Variants in KLF13 observed in about 807,000 individuals in gnomAD.
KLF13 encodes the protein KLF transcription factor 13, also known as Krueppel-like factor 13.
Under a neutral mutation model 16.7 loss-of-function variants are expected in KLF13, and 8 were observed. The ratio of observed to expected loss-of-function variants is 0.48; its 90% CI spans 0.28 to 0.87. KLF13 has a LOEUF of 0.87. Ranked by LOEUF, KLF13 falls within the 40% of genes least tolerant of loss-of-function variation. The probability of loss-of-function intolerance (pLI) is 0.10; values close to 1 mark genes in which losing one functional copy is unlikely to be tolerated. For synonymous variants in KLF13, 245 were observed against 208.4 expected, an observed-to-expected ratio of 1.18 and a Z score of -1.51; for missense variants, 447 against 452.2, an observed-to-expected ratio of 0.99 and a Z score of 0.10.
intron 1 of KLF13, among the ~76,000 whole-genome samples, chr15:31,428,531 G>A (rs1052388506): frequency 3.9e-5 from 6 of 152,044 alleles, no homozygotes; most frequent in Non-Finnish European, 7.4e-5. Context: ...GACCGGCCGC[G>A]GGCGGTGGCT....
intron 1 of KLF13, among the ~76,000 whole-genome samples, chr15:31,338,201 C>G (rs1452022193): frequency 6.6e-6 from 1 of 152,212 alleles, no homozygotes; most frequent in East Asian, 1.9e-4. Flanking sequence ...GTTTGTTTCC[C>G]TGATCTTCCT....
intron 1 of KLF13, among the ~76,000 whole-genome samples, chr15:31,361,833 C>T (rs901443403): frequency 7.5e-6 from 1 of 133,312 alleles, no homozygotes; most frequent in Admixed American, 8.0e-5. Context: ...CCACCCCAGA[C>T]GTCACAGCCA....
chr15:31,342,550 T>G (rs1595458357), intron 1 of KLF13, among the ~76,000 whole-genome samples: 7 of 152,208 alleles, frequency 4.6e-5, no homozygotes, highest in Admixed American at 4.6e-4. Flanking sequence ...GGTCGGCATC[T>G]CAGCCATCAG....
At chr15:31,362,123 G>T (rs1193053494) in intron 1 of KLF13, among the ~76,000 whole-genome samples, 1 of 152,184 alleles carries the variant, frequency 6.6e-6, no homozygotes, top group Non-Finnish European at 1.5e-5. Context: ...CTTATGGCAG[G>T]AGTGTGGTAT....
chr15:31,425,197 A>G (rs2040386472), intron 1 of KLF13, among the ~76,000 whole-genome samples: 1 of 152,214 alleles, frequency 6.6e-6, no homozygotes, highest in African/African-American at 2.4e-5. Context: ...ATGCTGTTAA[A>G]TGTTCATACT....
At chr15:31,424,994 T>C (rs141794166) in intron 1 of KLF13, among the ~76,000 whole-genome samples, 2 of 151,020 alleles carry the variant, frequency 1.3e-5, no homozygotes, top group East Asian at 3.9e-4. Context: ...TATCTAACAA[T>C]GAACAATTTA....
chr15:31,399,468 C>G (rs773638773), intron 2 of KLF13, among the ~76,000 whole-genome samples: 2 of 152,178 alleles, frequency 1.3e-5, no homozygotes, highest in African/African-American at 2.4e-5. Context: ...CCCAGCCTAT[C>G]TCTGAGTTTT....
chr15:31,378,138 C>T (rs1234528588), downstream of KLF13, among the ~76,000 whole-genome samples: 3 of 152,220 alleles, frequency 2.0e-5, no homozygotes, highest in Admixed American at 6.5e-5. Context: ...ATTCCCACCC[C>T]TCCGTCCATC....
rs2038742734 is a variant in KLF13, at chr15:31,327,737, G to A, written c.525G>A (p.Glu175=). ...RKHKCHYAGC[E]KVYGKSSHLK... is the part of the protein sequence containing the mutation. ...ACAAGTGCCACTACGCGGGCTGCGA[G>A]AAAGTTTACGGGAAATCTTCGCACC... Residue 175 remains glutamate (E), a synonymous_variant, in exon 1 of 2, where the codon GAG becomes GAA. Transcript: ENST00000307145. 4 of 1,537,410 alleles carry A rather than the reference G, an allele frequency of 2.6e-6. No homozygotes were observed. The highest frequency in any genetic ancestry group is 2.3e-5 in the South Asian group (2 of 86,804).
intron 1 of KLF13, among the ~76,000 whole-genome samples, chr15:31,360,506 A>G (rs2039366131): frequency 6.6e-6 from 1 of 152,120 alleles, no homozygotes; most frequent in African/African-American, 2.4e-5. Flanking sequence ...GGGTTTTTGA[A>G]CACAAGGGCT....
chr15:31,380,793 T>TA (rs1422000314), downstream of KLF13, among the ~76,000 whole-genome samples: 1 of 152,228 alleles, frequency 6.6e-6, no homozygotes, highest in African/African-American at 2.4e-5. Context: ...CCTCCACCGT[T>TA]ACGCATCAGA....
chr15:31,413,203 C>CAAAAAAAAA (rs1341640127), intron 1 of KLF13, among the ~76,000 whole-genome samples: 1 of 130,240 alleles, frequency 7.7e-6, no homozygotes, highest in Non-Finnish European at 1.6e-5. Context: ...AAAAAAAAAA[C>CAAAAAAAAA]AAAAAACAAA....
At chr15:31,427,707 C>T (rs565984318) in intron 1 of KLF13, among the ~76,000 whole-genome samples, 3 of 152,312 alleles carry the variant, frequency 2.0e-5, no homozygotes, top group South Asian at 4.1e-4. Flanking sequence ...CACAGTTCTG[C>T]AGGCTGTGCA....
intron 1 of KLF13, among the ~76,000 whole-genome samples, chr15:31,361,477 T>TG (rs1426237125): frequency 2.0e-5 from 3 of 152,236 alleles, no homozygotes; most frequent in Admixed American, 6.5e-5. Context: ...AGAGTGTACA[T>TG]GCAGCTGTTT....
chr15:31,370,543 C>T (rs916010417), intron 1 of KLF13, among the ~76,000 whole-genome samples: 5 of 151,900 alleles, frequency 3.3e-5, no homozygotes, highest in African/African-American at 9.7e-5. Flanking sequence ...TTCAGCCTGC[C>T]GAGTAGCTGG....
intron 1 of KLF13, 109 bp from the exon 2 acceptor site, chr15:31,371,900 TG>T: frequency 1.7e-6 from 2 of 1,212,090 alleles, no homozygotes; most frequent in Non-Finnish European, 1.1e-6. Flanking sequence ...GTGGGGCATG[TG>T]GGAGGGGTGT....
intron 1 of KLF13, among the ~76,000 whole-genome samples, chr15:31,413,699 T>C (rs1433944164): frequency 3.9e-5 from 6 of 152,202 alleles, no homozygotes; most frequent in Admixed American, 3.3e-4. Flanking sequence ...GAGAATTTCT[T>C]GCTATTAGGC....
At chr15:31,396,047 C>T (rs188183561) in intron 2 of KLF13, among the ~76,000 whole-genome samples, 89 of 152,118 alleles carry the variant, frequency 5.9e-4, no homozygotes, top group African/African-American at 1.8e-3. Context: ...TTTTTTGAGA[C>T]GGAGTTTCGC....
Position 31,327,016 on chromosome 15 carries a change from C to A in KLF13, c.-197C>A. Reference sequence around the variant, plus strand: ...CCCCATGCGCTCACTCTTCGGTGCCCGGCCGGGCCGGCGCCTCGCAGACGC... The same window carrying A: ...CCCCATGCGCTCACTCTTCGGTGCCAGGCCGGGCCGGCGCCTCGCAGACGC... On this transcript the variant is annotated 5_prime_UTR_variant, in exon 1 of 2. Coordinates refer to ENST00000307145, the MANE Select transcript of KLF13 (RefSeq NM_015995.4). 1 of 274,500 alleles carries A rather than the reference C, an allele frequency of 3.6e-6. No homozygotes were observed. Among genetic ancestry groups the A allele is most frequent in the South Asian group, 1.5e-4 (1 of 6,886 alleles). 17.0% of individuals were successfully genotyped at this position (274,500 alleles called of 1,614,324 possible).
Sources: allele counts gnomAD v4.1 joint callset (sites outside exome capture counted in the v4.1 genomes callset), GRCh38; gene constraint gnomAD v4.1.1; transcripts MANE v1.5; gene names NCBI Gene and HGNC (gene_info 2026-07-23, HGNC 2026-07-21).